The following FMN2 variants were observed in gnomAD, a reference collection of about 807,000 sequenced individuals.
FMN2 encodes the protein formin-2.
FMN2 carries 51 observed loss-of-function variants against 142.3 expected under a neutral mutation model. That is an observed-to-expected ratio of 0.36 (90% CI 0.29 to 0.45). The LOEUF is 0.45. Among genes scored for constraint, FMN2 ranks in the 20% least tolerant of loss-of-function variants. FMN2 has a pLI of 1.00. For synonymous variants in FMN2, 882 were observed against 869.8 expected, an observed-to-expected ratio of 1.01 and a Z score of -0.25; for missense variants, 1,936 against 2,122.8, an observed-to-expected ratio of 0.91 and a Z score of 1.73.
At chr1:240,374,576 G>A (rs764090902) in intron 14 of FMN2, among the ~76,000 whole-genome samples, 1 of 152,060 alleles carries the variant, frequency 6.6e-6, no homozygotes. Context: ...GACCTCTATT[G>A]GCTTCAAACT....
chr1:240,388,094 C>T (rs548439779), intron 14 of FMN2, among the ~76,000 whole-genome samples: 2 of 144,340 alleles, frequency 1.4e-5, no homozygotes, highest in South Asian at 2.3e-4. Context: ...AGGAGAATGG[C>T]GTGAACCCAG....
chr1:240,359,872 A>G (rs1241556593), intron 14 of FMN2, among the ~76,000 whole-genome samples: 1 of 152,208 alleles, frequency 6.6e-6, no homozygotes, highest in African/African-American at 2.4e-5. Flanking sequence ...TCAATAGTAT[A>G]AGCTTCATTA....
chr1:240,330,752 A>G lies in FMN2; in HGVS notation c.4584+3A>G, dbSNP rs780827613. ...AACTGAAAGATGTCAAGAGCAGTGTAAGTATTTTGCATGAGTGGACGTAAG... is the reference window on the plus strand; with the variant it reads ...AACTGAAAGATGTCAAGAGCAGTGTGAGTATTTTGCATGAGTGGACGTAAG... On this transcript the variant is annotated splice_donor_region_variant and intron_variant, in intron 11 of 17. Transcript: ENST00000319653. 7 of 1,613,368 alleles carry G rather than the reference A, an allele frequency of 4.3e-6. No homozygotes were observed. In the African/African-American group the frequency reaches 9.3e-5, roughly 22 times the overall value.
chr1:240,455,764 T>C (rs1676218928), intron 16 of FMN2, among the ~76,000 whole-genome samples: 2 of 151,844 alleles, frequency 1.3e-5, no homozygotes, highest in Non-Finnish European at 1.5e-5. Flanking sequence ...GCACCTGAGA[T>C]CAGGAATTCG....
At chr1:240,368,905 A>G (rs1672768677) in intron 14 of FMN2, among the ~76,000 whole-genome samples, 1 of 151,352 alleles carries the variant, frequency 6.6e-6, no homozygotes, top group Admixed American at 6.6e-5. Context: ...TCTTGGATAT[A>G]TTGACACAGT....
chr1:240,356,775 T>C lies in FMN2; in HGVS notation c.4858+867T>C, dbSNP rs757131532. Among the ~76,000 whole-genome samples the C allele has an allele frequency of 2.0e-5, 3 of 152,318 alleles. No individual in the cohort carries two copies. In the East Asian group the frequency reaches 5.8e-4, roughly 29 times the overall value. On this transcript the variant is annotated intron_variant, in intron 14 of 17. Coordinates refer to ENST00000319653, the MANE Select transcript of FMN2 (RefSeq NM_020066.5). The stretch of plus-strand genomic sequence containing the variant: ...ATTGGCTCCATACTTTATTTTGTTA[T>C]AGGTTGTTCAAGTGTCATTAATGAT...
chr1:240,178,113 T>TAG (rs747037595), intron 3 of FMN2, 45 bp downstream of exon 3: 29 of 1,462,904 alleles, frequency 2.0e-5, no homozygotes, highest in African/African-American at 2.9e-5. Flanking sequence ...AGAGGCAAGA[T>TAG]AGAGAGAGAG....
At chr1:240,143,612 C>G in intron 2 of FMN2, 1 of 1,609,880 alleles carries the variant, frequency 6.2e-7, no homozygotes, top group East Asian at 2.2e-5. Context: ...AGTGTGTTGG[C>G]AAAACTGCGG....
intron 2 of FMN2, among the ~76,000 whole-genome samples, chr1:240,161,298 G>A (rs1212198179): frequency 1.3e-5 from 2 of 152,124 alleles, no homozygotes; most frequent in Middle Eastern, 3.4e-3. Flanking sequence ...GTGGGAGGCC[G>A]AGGCAGGCGG....
intron 2 of FMN2, among the ~76,000 whole-genome samples, chr1:240,169,009 G>A (rs1664593711): frequency 6.6e-6 from 1 of 152,010 alleles, no homozygotes; most frequent in Admixed American, 6.6e-5. Flanking sequence ...TCAAGAGATC[G>A]AGATCATCCT....
intron 15 of FMN2, among the ~76,000 whole-genome samples, chr1:240,431,949 T>C (rs1675194118): frequency 6.6e-6 from 1 of 151,766 alleles, no homozygotes; most frequent in African/African-American, 2.4e-5. Context: ...TAATATCTTT[T>C]TTAGTTTTCC....
rs1434504450 is a variant in FMN2 at position 240,092,888 on chromosome 1, C to A, written c.779C>A (p.Ala260Asp). The part of the protein sequence containing the change: ...DRFLLGPSGG[A>D]GEAPGSPDTE... The stretch of plus-strand genomic sequence containing the variant: ...TTCCTGCTGGGGCCGAGCGGCGGGG[C>A]TGGGGAGGCCCCGGGCAGTCCGGAC... The change falls in exon 1 of 18, where the codon GCT becomes GAT. Residue 260 changes from alanine (A) to aspartate (D), a missense_variant. Around this residue, in one of 8 missense-constraint regions of FMN2, gnomAD observed 751 missense variants for 791.8 expected, o/e 0.95. Coordinates refer to ENST00000319653, the MANE Select transcript of FMN2 (RefSeq NM_020066.5). 1.3e-6 allele frequency: 2 copies of A among 1,516,828 alleles called. No homozygotes were observed. The highest frequency in any genetic ancestry group is 4.9e-5 in the East Asian group (2 of 40,748). 94.0% of individuals were successfully genotyped at this position (1,516,828 alleles called of 1,614,324 possible).
Position 240,472,414 on chromosome 1 carries a change from A to C in FMN2, c.5103A>C (p.Lys1701Asn). The C allele has an allele frequency of 6.2e-7, 1 of 1,612,272 alleles. No homozygotes were observed. Among genetic ancestry groups the C allele is most frequent in the Non-Finnish European group, 8.5e-7 (1 of 1,179,358 alleles). The change falls in exon 17 of 18, where the codon AAA becomes AAC. Residue 1701 changes from lysine to asparagine, a missense_variant. Physicochemically the swap from Lys to Asn is moderately conservative, Grantham distance 94 (BLOSUM62 0). This residue lies in a region of FMN2 where 322 missense variants were observed against 401.6 expected (regional missense o/e 0.80). Transcript: ENST00000319653. Reference protein sequence around the residue: ...AEEVCRQKKGKSLYKIKPRHD... With the variant: ...AEEVCRQKKGNSLYKIKPRHD... The stretch of plus-strand genomic sequence containing the variant: ...AGGTGTGTAGACAGAAGAAAGGAAA[A>C]TCACTTTATAAAATAAAACCAAGAC...
intron 2 of FMN2, among the ~76,000 whole-genome samples, chr1:240,168,013 C>T (rs1463822446): frequency 5.3e-5 from 8 of 151,994 alleles, no homozygotes; most frequent in South Asian, 4.1e-4. Context: ...ATTGCGCCAC[C>T]GCACTCTAGC....
chr1:240,139,765 G>A (rs918048087), intron 2 of FMN2, among the ~76,000 whole-genome samples: 3 of 152,096 alleles, frequency 2.0e-5, no homozygotes, highest in African/African-American at 4.8e-5. Context: ...GTGGGAAGAT[G>A]GGAGGTGAAG....
At chr1:240,099,315 GTTTTT>G (rs542680747) in intron 1 of FMN2, among the ~76,000 whole-genome samples, 1 of 145,742 alleles carries the variant, frequency 6.9e-6, no homozygotes, top group African/African-American at 2.5e-5. Flanking sequence ...GTTTTGTTTT[GTTTTT>G]TTTTGCAAAT....
intron 3 of FMN2, among the ~76,000 whole-genome samples, chr1:240,187,404 T>C (rs1572988): frequency 0.23 from 35,255 of 151,960 alleles, 4,269 homozygotes; most frequent in Middle Eastern, 0.33. Flanking sequence ...AACTCTCGTC[T>C]TCACCTTGCC....
chr1:240,431,722 AATTAT>A (rs1483126962), intron 15 of FMN2, among the ~76,000 whole-genome samples: 1 of 151,512 alleles, frequency 6.6e-6, no homozygotes, highest in Non-Finnish European at 1.5e-5. Flanking sequence ...TACTTACTAA[AATTAT>A]ATTTATTTTT....
chr1:240,454,998 C>T (rs1433292672), intron 16 of FMN2, among the ~76,000 whole-genome samples: 1 of 151,726 alleles, frequency 6.6e-6, no homozygotes, highest in Non-Finnish European at 1.5e-5. Flanking sequence ...ATGAGGAAAG[C>T]TTGGCTCCTA....
Sources: gnomAD v4.1 joint callset for allele counts (sites outside exome capture counted in the v4.1 genomes callset) on GRCh38, gnomAD v4.1.1 for gene constraint, gnomAD v4.1.1 regional missense constraint, MANE v1.5 for transcripts, NCBI Gene and HGNC (gene_info 2026-07-23, HGNC 2026-07-21) for gene names.